Variants in RASEF observed in about 807,000 individuals in gnomAD.
RASEF encodes the protein RAS and EF-hand domain containing.
Under a neutral mutation model 90.1 loss-of-function variants are expected in RASEF, and 68 were observed. The observed-to-expected ratio is 0.75, with a 90% CI of 0.62 to 0.92. RASEF has a LOEUF of 0.92. Among genes scored for constraint, RASEF ranks in the 40% least tolerant of loss-of-function variants. RASEF has a pLI of 0.00. For synonymous variants in RASEF, 331 were observed against 345.2 expected, an observed-to-expected ratio of 0.96 and a Z score of 0.46; for missense variants, 949 against 937.2, an observed-to-expected ratio of 1.01 and a Z score of -0.16.
the RASEF span, among the ~76,000 whole-genome samples, chr9:83,190,055 G>A: frequency 6.6e-6 from 1 of 152,006 alleles, no homozygotes; most frequent in Non-Finnish European, 1.5e-5. Context: ...CTGCAGTCCG[G>A]ATTAATTATT....
the RASEF span, among the ~76,000 whole-genome samples, chr9:83,133,468 G>A: frequency 6.6e-6 from 1 of 152,122 alleles, no homozygotes; most frequent in African/African-American, 2.4e-5. Context: ...AAAAGAACAG[G>A]AGTGAGGAGT....
chr9:83,059,507 T>C (rs554088228), intron 1 of RASEF, among the ~76,000 whole-genome samples: 6 of 152,326 alleles, frequency 3.9e-5, no homozygotes, highest in Admixed American at 3.9e-4. Context: ...AAACATTTAC[T>C]GAGTATCTCC....
the RASEF span, among the ~76,000 whole-genome samples, chr9:83,141,846 G>A: frequency 2.0e-5 from 3 of 152,208 alleles, no homozygotes; most frequent in Admixed American, 1.3e-4. Context: ...CATAGAGCTA[G>A]GGGTTGGGAG....
the RASEF span, among the ~76,000 whole-genome samples, chr9:83,171,443 T>C: frequency 1.3e-5 from 2 of 151,930 alleles, no homozygotes; most frequent in African/African-American, 4.8e-5. Flanking sequence ...GATGCTCACC[T>C]CACAAAAATG....
At chr9:83,112,115 A>G in the RASEF span, among the ~76,000 whole-genome samples, 64 of 152,188 alleles carry the variant, frequency 4.2e-4, no homozygotes, top group South Asian at 0.013. Context: ...AATCTATCAA[A>G]TAAGCAGATT....
chr9:83,200,518 GT>G, the RASEF span, among the ~76,000 whole-genome samples: 2 of 152,146 alleles, frequency 1.3e-5, no homozygotes, highest in Admixed American at 6.5e-5. Context: ...CTCCCACTGA[GT>G]TTTTTATTCG....
the RASEF span, among the ~76,000 whole-genome samples, chr9:83,126,367 C>T: frequency 2.0e-5 from 3 of 152,120 alleles, no homozygotes; most frequent in Non-Finnish European, 4.4e-5. Context: ...CATCTGGAAC[C>T]CTATCAGCTT....
At chr9:83,034,399 C>A (rs1829702726) in intron 1 of RASEF, among the ~76,000 whole-genome samples, 1 of 152,174 alleles carries the variant, frequency 6.6e-6, no homozygotes, top group African/African-American at 2.4e-5. Flanking sequence ...GGCCCCTTAA[C>A]CACACACATC....
Position 83,000,318 on chromosome 9 carries a change from TG to T in RASEF, c.1576-3del, listed in dbSNP as rs768844396. ...AGCGTTGTCATCTACCAGGTCTGTC[TG>T]GGGGGAAAAGCCACAGTGAATGATA... On this transcript the variant is annotated splice_region_variant and splice_polypyrimidine_tract_variant and intron_variant, in intron 11 of 16. Coordinates refer to ENST00000376447, the MANE Select transcript of RASEF (RefSeq NM_152573.4). 4 of 1,613,112 alleles carry T rather than the reference TG, an allele frequency of 2.5e-6. No individual in the cohort carries two copies. In the East Asian group the frequency reaches 8.9e-5, roughly 36 times the overall value.
chr9:83,188,479 G>A, the RASEF span, among the ~76,000 whole-genome samples: 1 of 152,196 alleles, frequency 6.6e-6, no homozygotes, highest in South Asian at 2.1e-4. Flanking sequence ...TTGCGCAACA[G>A]AAGGGAAAAT....
At chr9:83,114,011 C>T in the RASEF span, among the ~76,000 whole-genome samples, 1 of 152,098 alleles carries the variant, frequency 6.6e-6, no homozygotes, top group African/African-American at 2.4e-5. Context: ...TACATGACAT[C>T]ACCCCTAGAG....
rs1204313424 is a variant in RASEF, at chr9:82,982,461, TA to T, written c.*215del. 4.3e-6 allele frequency: 2 copies of T among 461,044 alleles called. No individual in the cohort carries two copies. The highest frequency in any genetic ancestry group is 6.9e-5 in the Admixed American group (2 of 29,118). 28.6% of individuals were successfully genotyped at this position (461,044 alleles called of 1,614,324 possible). A position where few individuals can be genotyped will look rare whatever the true frequency, so the allele number is the denominator to read the frequency against. On this transcript the variant is annotated 3_prime_UTR_variant, in exon 17 of 17. Transcript: ENST00000376447. ...CTTTTAAGACCTGTAAGGACATGAC[TA>T]GTCTATTTAGCCAGAGGGCCCAAAT...
the RASEF span, among the ~76,000 whole-genome samples, chr9:83,161,641 G>A: frequency 1.0e-4 from 15 of 150,492 alleles, no homozygotes; most frequent in Admixed American, 7.9e-4. Context: ...GGGAAGGCAT[G>A]ACTGGTTTTG....
At position 82,992,507 on chromosome 9, in the gene RASEF, T is replaced by C. The variant is rs146582816; in HGVS notation, c.2040+399A>G. 4.4e-3 allele frequency among the ~76,000 whole-genome samples: 670 copies of C among 152,356 alleles called. 3 individuals are homozygous for C. Among genetic ancestry groups the C allele is most frequent in the African/African-American group, 0.015 (621 of 41,584 alleles). ...CACACAGGTGAGACACTGTACCTTC[T>C]TCTGCCTTTGGCATTATAACCCTCT... On this transcript the variant is annotated intron_variant, in intron 15 of 16. Coordinates refer to ENST00000376447, the MANE Select transcript of RASEF (RefSeq NM_152573.4).
the RASEF span, among the ~76,000 whole-genome samples, chr9:83,144,443 A>AAG: frequency 3.6e-4 from 53 of 145,720 alleles, no homozygotes; most frequent in Middle Eastern, 3.6e-3. Context: ...AGGAAAAGAA[A>AAG]AAAGAAAAGA....
chr9:82,979,990 A>G lies in RASEF; in HGVS notation c.*2687T>C, dbSNP rs1828568889. The stretch of plus-strand genomic sequence containing the variant: ...AGTGTTAAATAATCAAATGTCACAT[A>G]TGTCATATAAAGCAGCAAGTGAAAA... On this transcript the variant is annotated 3_prime_UTR_variant, in exon 17 of 17. Coordinates refer to ENST00000376447, the MANE Select transcript of RASEF (RefSeq NM_152573.4). 2.0e-5 allele frequency: 3 copies of G among 152,212 alleles called. No individual in the cohort carries two copies. Among genetic ancestry groups the G allele is most frequent in the Admixed American group, 2.0e-4 (3 of 15,272 alleles). 9.4% of individuals were successfully genotyped at this position (152,212 alleles called of 1,614,324 possible).
At chr9:83,158,721 T>TGTATATATTTATGTACATATACATATAC in the RASEF span, among the ~76,000 whole-genome samples, 1 of 142,070 alleles carries the variant, frequency 7.0e-6, no homozygotes, top group Admixed American at 6.8e-5. Context: ...TATACATATA[T>TGTATATATTTATGTACATATACATATAC]GTATATATTT....
the RASEF span, among the ~76,000 whole-genome samples, chr9:83,107,089 C>T: frequency 3.9e-5 from 6 of 152,180 alleles, no homozygotes; most frequent in Non-Finnish European, 8.8e-5. Flanking sequence ...AAATCTATGG[C>T]ATCTCTCCCT....
chr9:83,194,105 C>G, the RASEF span, among the ~76,000 whole-genome samples: 12 of 152,158 alleles, frequency 7.9e-5, no homozygotes, highest in Non-Finnish European at 1.8e-4. Context: ...ATATTTGTCA[C>G]GACTAAGAAA....
Sources: allele counts gnomAD v4.1 joint callset (sites outside exome capture counted in the v4.1 genomes callset), GRCh38; gene constraint gnomAD v4.1.1; transcripts MANE v1.5; gene names NCBI Gene and HGNC (gene_info 2026-07-23, HGNC 2026-07-21).